NFIC: variants seen among roughly 807,000 people sequenced by gnomAD.
NFIC encodes the protein nuclear factor 1 C-type.
In NFIC, 12 loss-of-function variants were observed where a neutral mutation model predicts 54.4. The observed-to-expected ratio is 0.22, with a 90% confidence interval of 0.14 to 0.36. The LOEUF is 0.36. NFIC is among the 10% of genes least tolerant of loss of function. The pLI is 1.00. For missense variants in NFIC, 575 were observed against 718.2 expected (o/e 0.80, Z 2.28); for synonymous variants, 322 against 319.2 (o/e 1.01, Z -0.09).
At position 3,360,271 on chromosome 19, in the gene NFIC, G is replaced by A. The variant is rs1173414776; in HGVS notation, c.3+586G>A. ...AACTTGGAGCCGGGCGGGCGGCCGC[G>A]CTCGGCGCCGCGCAGGAGCAGCCGC... On this transcript the variant is annotated intron_variant, in intron 1 of 9. Transcript: ENST00000395111. Among the ~76,000 whole-genome samples the A allele has an allele frequency of 7.5e-5, 11 of 146,092 alleles. No individual in the cohort carries two copies. In the East Asian group the frequency reaches 2.2e-3, roughly 29 times the overall value.
At chr19:3,449,448 T>A (rs570462328) in intron 7 of NFIC, among the ~76,000 whole-genome samples, 1 of 150,898 alleles carries the variant, frequency 6.6e-6, no homozygotes, top group Non-Finnish European at 1.5e-5. Context: ...CAGACACTGA[T>A]GGACAGGCAG....
chr19:3,404,532 AG>A (rs1034368229), intron 2 of NFIC, among the ~76,000 whole-genome samples: 25 of 151,948 alleles, frequency 1.6e-4, no homozygotes, highest in African/African-American at 6.0e-4. Flanking sequence ...GGGCTGGGGG[AG>A]GCGGCCCAGG....
At chr19:3,388,957 C>A (rs1289108186) in intron 2 of NFIC, among the ~76,000 whole-genome samples, 4 of 151,784 alleles carry the variant, frequency 2.6e-5, no homozygotes, top group African/African-American at 9.7e-5. Flanking sequence ...GCGAGCTGAG[C>A]TCATGCCACT....
chr19:3,444,029 A>C (rs2082333151), intron 6 of NFIC, among the ~76,000 whole-genome samples: 1 of 152,314 alleles, frequency 6.6e-6, no homozygotes. Flanking sequence ...GGGAGCCGGC[A>C]TTTCAGTGGG....
At chr19:3,432,552 G>T (rs1437363538) in intron 3 of NFIC, among the ~76,000 whole-genome samples, 1 of 152,076 alleles carries the variant, frequency 6.6e-6, no homozygotes, top group Non-Finnish European at 1.5e-5. Flanking sequence ...TGGGATTGAT[G>T]GTTTCACTTT....
chr19:3,416,802 C>T (rs1323141682), intron 2 of NFIC, among the ~76,000 whole-genome samples: 1 of 151,358 alleles, frequency 6.6e-6, no homozygotes, highest in Non-Finnish European at 1.5e-5. Flanking sequence ...GGATTACAGG[C>T]GTGAGCCACC....
At chr19:3,392,108 G>A (rs568264457) in intron 2 of NFIC, among the ~76,000 whole-genome samples, 4 of 116,364 alleles carry the variant, frequency 3.4e-5, no homozygotes, top group African/African-American at 1.4e-4. Context: ...GTCTTGCTCT[G>A]TCTCCCAGGC....
At chr19:3,440,238 G>C (rs2082272242) in intron 6 of NFIC, among the ~76,000 whole-genome samples, 1 of 152,162 alleles carries the variant, frequency 6.6e-6, no homozygotes, top group Admixed American at 6.5e-5. Context: ...GGCACTGTTG[G>C]GTGCTGTGCA....
chr19:3,460,061 G>A (rs1030494733), intron 10 of NFIC, among the ~76,000 whole-genome samples: 7 of 152,212 alleles, frequency 4.6e-5, no homozygotes, highest in Admixed American at 6.5e-5. Context: ...GACTGAGGCC[G>A]GAGCTGTCCC....
chr19:3,412,764 G>A lies in NFIC; in HGVS notation c.563-12342G>A, dbSNP rs139053765. 3.1e-3 allele frequency among the ~76,000 whole-genome samples: 479 copies of A among 152,246 alleles called. 2 individuals carry two copies. The highest frequency in any genetic ancestry group is 0.011 in the African/African-American group (448 of 41,550). On this transcript the variant is annotated intron_variant, in intron 2 of 10. Transcript: ENST00000443272. Reference sequence around the variant, plus strand: ...TAAACCATCCGTACATGCAGATGTCGTTATAATTATTATCAATGCTATTCT... The same window carrying A: ...TAAACCATCCGTACATGCAGATGTCATTATAATTATTATCAATGCTATTCT...
intron 6 of NFIC, among the ~76,000 whole-genome samples, chr19:3,436,271 A>T (rs2082201131): frequency 6.7e-6 from 1 of 149,082 alleles, no homozygotes; most frequent in African/African-American, 2.5e-5. Flanking sequence ...CAGCCTCCCA[A>T]GTATCGGACT....
chr19:3,426,671 C>G (rs2082031999), intron 3 of NFIC, among the ~76,000 whole-genome samples: 1 of 152,150 alleles, frequency 6.6e-6, no homozygotes, highest in African/African-American at 2.4e-5. Flanking sequence ...TGTCCCATCC[C>G]TGCCCTGTCC....
Position 3,375,830 on chromosome 19 carries a change from C to T in NFIC, c.31-5882C>T, listed in dbSNP as rs1055627380. Among the ~76,000 whole-genome samples the T allele has an allele frequency of 6.6e-6, 1 of 152,178 alleles. No homozygotes were observed. Among genetic ancestry groups the T allele is most frequent in the Non-Finnish European group, 1.5e-5 (1 of 68,026 alleles). The stretch of plus-strand genomic sequence containing the variant: ...GGGTGATCTGGCAGCAGCTGCTCTG[C>T]CCATCCCGGCCTGGAAATGGGACCG... On this transcript the variant is annotated intron_variant, in intron 1 of 10. Transcript: ENST00000443272. This position sits in a 1 kb window ranked among gnomAD's most constrained non-coding sequence, Gnocchi z 4.6.
In NFIC at chr19:3,366,610, G is replaced by A. The variant is rs777757808; in HGVS notation, c.-27G>A. 2.7e-6 allele frequency: 4 copies of A among 1,479,420 alleles called. No homozygotes were observed. Among genetic ancestry groups the A allele is most frequent in the East Asian group, 2.7e-5 (1 of 36,578 alleles). 91.6% of individuals were successfully genotyped at this position (1,479,420 alleles called of 1,614,324 possible). The stretch of plus-strand genomic sequence containing the variant: ...TAAGTTCAGCGCGCCCGCTCCGGCC[G>A]GCCCTGCGCCTCCCGCCGCGCCCGG... On this transcript the variant is annotated 5_prime_UTR_variant, in exon 1 of 11. Coordinates refer to ENST00000443272, the MANE Select transcript of NFIC (RefSeq NM_001245002.2).
In NFIC at chr19:3,462,975, A is replaced by T. The variant is rs997939703; in HGVS notation, c.*206A>T. 5 of 1,423,148 alleles carry T rather than the reference A, an allele frequency of 3.5e-6. No individual in the cohort carries two copies. Among genetic ancestry groups the T allele is most frequent in the Non-Finnish European group, 4.6e-6 (5 of 1,095,780 alleles). 88.2% of individuals were successfully genotyped at this position (1,423,148 alleles called of 1,614,324 possible). ...ACAAAGGCAGAAGAAGAAGAAGAAG[A>T]AATAAAAACCCACCCAAGCAAGAAG... On this transcript the variant is annotated 3_prime_UTR_variant, in exon 11 of 11. Transcript: ENST00000443272.
intron 6 of NFIC, among the ~76,000 whole-genome samples, chr19:3,443,811 A>G (rs536130457): frequency 5.3e-5 from 8 of 152,280 alleles, no homozygotes; most frequent in African/African-American, 1.9e-4. Flanking sequence ...AGTGCTCAGG[A>G]TGGCCCCACC....
In NFIC at chr19:3,361,289, G is replaced by A. The variant is rs1251956018; in HGVS notation, c.3+1604G>A. On this transcript the variant is annotated intron_variant, in intron 1 of 9. Transcript: ENST00000395111. ...CTCCCTGAGAGGCCGTGGAAGTCCC[G>A]AGGGGTGGGTGGTTACAGCAGCACA... 4.6e-5 allele frequency among the ~76,000 whole-genome samples: 7 copies of A among 152,266 alleles called. No individual in the cohort carries two copies. In the East Asian group the frequency reaches 9.7e-4, roughly 21 times the overall value.
chr19:3,382,279 G>C, intron 2 of NFIC, 36 bp downstream of exon 2: 2 of 1,579,520 alleles, frequency 1.3e-6, no homozygotes, highest in Non-Finnish European at 1.7e-6. Flanking sequence ...CGGCCAGCGG[G>C]GAGGGTGTCT....
chr19:3,435,323 G>T (rs2082183591), intron 6 of NFIC, 116 bp downstream of exon 6: 2 of 1,370,638 alleles, frequency 1.5e-6, no homozygotes, highest in African/African-American at 1.5e-5. Context: ...GCCTGGAGCC[G>T]CGGGGCCTCC....
Sources: gnomAD v4.1 joint callset for allele counts (sites outside exome capture counted in the v4.1 genomes callset) on GRCh38, gnomAD v4.1.1 for gene constraint, Gnocchi (gnomAD v3.1) non-coding constraint, MANE v1.5 for transcripts, NCBI Gene and HGNC (gene_info 2026-07-23, HGNC 2026-07-21) for gene names.